Variants in SELENOI observed in about 807,000 individuals in gnomAD.
SELENOI encodes ethanolaminephosphotransferase 1.
A neutral mutation model predicts 50.7 loss-of-function variants in SELENOI; 24 were observed. The observed-to-expected ratio is 0.47, with a 90% CI of 0.34 to 0.67. SELENOI has a LOEUF of 0.67. SELENOI is among the 30% of genes least tolerant of loss of function. The pLI is 0.01. For missense variants in SELENOI, 352 were observed against 461.4 expected (o/e 0.76, Z 2.17); for synonymous variants, 155 against 170.2 (o/e 0.91, Z 0.70).
Position 26,390,678 on chromosome 2 carries a change from A to G in SELENOI, c.*1575A>G, listed in dbSNP as rs1677944422. The stretch of plus-strand genomic sequence containing the variant: ...TCATTTTAAGAAATTGTAAAGGTTG[A>G]GGTGTATTTGGTGACTTTCTCTGAG... On this transcript the variant is annotated 3_prime_UTR_variant, in exon 10 of 10. Transcript: ENST00000260585. 2 of 152,216 alleles carry G rather than the reference A, an allele frequency of 1.3e-5. No homozygotes were observed. The highest frequency in any genetic ancestry group is 1.3e-4 in the Admixed American group (2 of 15,276). 9.4% of individuals were successfully genotyped at this position (152,216 alleles called of 1,614,324 possible).
At chr2:26,374,153 C>T (rs1250024472) in intron 5 of SELENOI, among the ~76,000 whole-genome samples, 2 of 152,136 alleles carry the variant, frequency 1.3e-5, no homozygotes, top group South Asian at 2.1e-4. Flanking sequence ...AATCACAATG[C>T]CAGTATTACA....
At chr2:26,382,060 A>T (rs1677717584) in intron 6 of SELENOI, among the ~76,000 whole-genome samples, 1 of 152,218 alleles carries the variant, frequency 6.6e-6, no homozygotes, top group Non-Finnish European at 1.5e-5. Context: ...ATCACTATAG[A>T]TCATAGGATC....
chr2:26,383,457 A>G, intron 7 of SELENOI, 110 bp downstream of exon 7: 1 of 729,712 alleles, frequency 1.4e-6, no homozygotes, highest in South Asian at 1.8e-5. Context: ...TGAAAAGGTC[A>G]CAAAACCTAT....
chr2:26,360,279 A>T (rs1211562494), intron 1 of SELENOI, among the ~76,000 whole-genome samples: 1 of 152,220 alleles, frequency 6.6e-6, no homozygotes, highest in Admixed American at 6.5e-5. Context: ...TCAGGTGTGT[A>T]AGGCGAGAGC....
intron 9 of SELENOI, among the ~76,000 whole-genome samples, chr2:26,388,632 C>T (rs1435288056): frequency 1.3e-5 from 2 of 152,080 alleles, no homozygotes; most frequent in Admixed American, 6.5e-5. Flanking sequence ...ACTATTTCAT[C>T]GGGATTAGGA....
intron 9 of SELENOI, 63 bp from the exon 10 acceptor site, chr2:26,388,942 G>A (rs769604516): frequency 7.8e-7 from 1 of 1,274,234 alleles, no homozygotes; most frequent in Non-Finnish European, 1.1e-6. Context: ...GGTAAATTCT[G>A]TGTGCTTTTA....
chr2:26,361,830 G>A (rs190703492), intron 1 of SELENOI, among the ~76,000 whole-genome samples: 4 of 152,042 alleles, frequency 2.6e-5, no homozygotes, highest in Admixed American at 6.6e-5. Flanking sequence ...ATTTGTTTTT[G>A]TATTTTTAGT....
At chr2:26,382,647 T>G (rs369684735) in intron 6 of SELENOI, among the ~76,000 whole-genome samples, 129 of 152,196 alleles carry the variant, frequency 8.5e-4, no homozygotes, top group African/African-American at 3.0e-3. Flanking sequence ...TTTTAAAGTT[T>G]ATGGGGAGAG....
rs967357554 is a variant in SELENOI at position 26,393,155 on chromosome 2, C to T, written c.*4052C>T. ...GTTTGACAGTGGTACAAATGACTGACATTGGCAGGCAGTTATTGTAGGGTA... is the reference window on the plus strand; with the variant it reads ...GTTTGACAGTGGTACAAATGACTGATATTGGCAGGCAGTTATTGTAGGGTA... On this transcript the variant is annotated 3_prime_UTR_variant, in exon 10 of 10. Transcript: ENST00000260585. 5 of 152,628 alleles carry T rather than the reference C, an allele frequency of 3.3e-5. No homozygotes were observed. The highest frequency in any genetic ancestry group is 1.2e-4 in the African/African-American group (5 of 41,450). 9.5% of individuals were successfully genotyped at this position (152,628 alleles called of 1,614,324 possible).
chr2:26,375,161 A>C lies in SELENOI; in HGVS notation c.682+13A>C. Reference sequence around the variant, plus strand: ...GCAATGATTATTGGTAAGAAGCTCCATGTTGAAGCCTGTTTTAACCATCAC... The same window carrying C: ...GCAATGATTATTGGTAAGAAGCTCCCTGTTGAAGCCTGTTTTAACCATCAC... On this transcript the variant is annotated intron_variant, in intron 6 of 9. Coordinates refer to ENST00000260585, the MANE Select transcript of SELENOI (RefSeq NM_033505.4). 29 of 1,510,344 alleles carry C rather than the reference A, an allele frequency of 1.9e-5. No homozygotes were observed. Among genetic ancestry groups the C allele is most frequent in the Non-Finnish European group, 2.1e-5 (23 of 1,090,764 alleles). 93.6% of individuals were successfully genotyped at this position (1,510,344 alleles called of 1,614,324 possible).
chr2:26,381,198 C>CTTTT lies in SELENOI; in HGVS notation c.683-2073_683-2070dup, dbSNP rs57102834. 9.7e-3 allele frequency among the ~76,000 whole-genome samples: 292 copies of CTTTT among 30,188 alleles called. 71 individuals are homozygous for CTTTT. The East Asian group carries it at 0.2, about 20-fold the overall frequency. 19.8% of individuals were successfully genotyped at this position (30,188 alleles called of 152,430 possible). ...TGGATTGTATCTCCTTCAGTTTGGTCTTTTTTTTTTTTTTTTTTTTTTTTT... is the reference window on the plus strand; with the variant it reads ...TGGATTGTATCTCCTTCAGTTTGGTCTTTTTTTTTTTTTTTTTTTTTTTTTTTTT... On this transcript the variant is annotated intron_variant, in intron 6 of 9. Coordinates refer to ENST00000260585, the MANE Select transcript of SELENOI (RefSeq NM_033505.4).
intron 1 of SELENOI, among the ~76,000 whole-genome samples, chr2:26,355,768 TCTCG>T: frequency 6.6e-6 from 1 of 151,848 alleles, no homozygotes; most frequent in Middle Eastern, 3.4e-3. Flanking sequence ...TGAGAGAGTG[TCTCG>T]CTCTGTTGCT....
intron 5 of SELENOI, 48 bp from the exon 6 acceptor site, chr2:26,374,992 T>G (rs1677535821): frequency 2.3e-6 from 3 of 1,310,176 alleles, no homozygotes; most frequent in Non-Finnish European, 3.3e-6. Context: ...CTCCTGATCT[T>G]TCTAGCGTTA....
intron 1 of SELENOI, among the ~76,000 whole-genome samples, chr2:26,356,507 T>C (rs1443187866): frequency 6.6e-6 from 1 of 152,244 alleles, no homozygotes; most frequent in Admixed American, 6.5e-5. Flanking sequence ...TTTCCTTATG[T>C]TAGAGCCAAT....
chr2:26,347,105 T>G (rs1461755261), intron 1 of SELENOI, among the ~76,000 whole-genome samples: 1 of 152,194 alleles, frequency 6.6e-6, no homozygotes, highest in East Asian at 1.9e-4. Context: ...TGAATGACTC[T>G]AACCATCCAG....
chr2:26,358,656 T>C, intron 1 of SELENOI, among the ~76,000 whole-genome samples: 1 of 152,226 alleles, frequency 6.6e-6, no homozygotes, highest in African/African-American at 2.4e-5. Flanking sequence ...AGCTATTTCC[T>C]TGGATAACCA....
At chr2:26,360,841 G>A (rs1343402310) in intron 1 of SELENOI, among the ~76,000 whole-genome samples, 1 of 152,132 alleles carries the variant, frequency 6.6e-6, no homozygotes, top group Non-Finnish European at 1.5e-5. Flanking sequence ...TTAAATTCAG[G>A]CAGTCCTGTC....
chr2:26,364,997 T>A, intron 3 of SELENOI, 57 bp downstream of exon 3: 1 of 1,268,482 alleles, frequency 7.9e-7, no homozygotes, highest in South Asian at 1.5e-5. Flanking sequence ...GAAATGTGGA[T>A]GCTTATTTTC....
rs1235761706 is a variant in SELENOI at position 26,392,667 on chromosome 2, A to C, written c.*3564A>C. 6.6e-6 allele frequency: 1 copy of C among 152,258 alleles called. No homozygotes were observed. Among genetic ancestry groups the C allele is most frequent in the African/African-American group, 2.4e-5 (1 of 41,446 alleles). The allele number at this position is 152,258 out of a possible 1,614,324, so 9.4% of individuals were successfully genotyped here. A position where few individuals can be genotyped will look rare whatever the true frequency, so the allele number is the denominator to read the frequency against. ...GGGAACGTGCCAGGGGGAACAAAGT[A>C]AGCTTGATGGGCTGGAACTTTTGAC... On this transcript the variant is annotated 3_prime_UTR_variant, in exon 10 of 10. Transcript: ENST00000260585.
Sources: gnomAD v4.1 joint callset for allele counts (sites outside exome capture counted in the v4.1 genomes callset) on GRCh38, gnomAD v4.1.1 for gene constraint, MANE v1.5 for transcripts, NCBI Gene and HGNC (gene_info 2026-07-23, HGNC 2026-07-21) for gene names.